Variants in PRDM1 observed in about 807,000 individuals in gnomAD.
PRDM1 encodes PR/SET domain 1, also known as PR domain zinc finger protein 1.
A neutral mutation model predicts 62.8 loss-of-function variants in PRDM1; 13 were observed. That is an observed-to-expected ratio of 0.21 (90% CI 0.13 to 0.33). The LOEUF (loss-of-function observed/expected upper bound fraction) is 0.33, where lower values mean the gene tolerates loss of function less well. PRDM1 is among the 10% of genes least tolerant of loss of function. The pLI is 1.00. For missense variants in PRDM1, 895 were observed against 1,058.8 expected (o/e 0.85, Z 2.15); for synonymous variants, 396 against 417.6 (o/e 0.95, Z 0.63).
At chr6:106,031,481 A>G (rs915710288) in intron 1 of PRDM1, among the ~76,000 whole-genome samples, 13 of 152,220 alleles carry the variant, frequency 8.5e-5, no homozygotes, top group Non-Finnish European at 5.9e-5. Context: ...TGGGGAATTT[A>G]ACTTTGGGTG....
At chr6:105,998,869 T>G (rs1041441732) in intron 1 of PRDM1, among the ~76,000 whole-genome samples, 8 of 149,438 alleles carry the variant, frequency 5.4e-5, no homozygotes, top group African/African-American at 2.0e-4. Context: ...TGTTTTGCAT[T>G]GGGATTTTTA....
intron 4 of PRDM1, among the ~76,000 whole-genome samples, chr6:106,101,366 C>G (rs1774266705): frequency 6.6e-6 from 1 of 151,970 alleles, no homozygotes. Flanking sequence ...GTTTTTATTC[C>G]TCAAAGAAAG....
chr6:106,088,169 T>C (rs756523604), intron 1 of PRDM1, 32 bp from the exon 2 acceptor site: 93 of 1,555,924 alleles, frequency 6.0e-5, no homozygotes, highest in Non-Finnish European at 7.6e-5. Context: ...GGCGGGACAA[T>C]GGGGATTAAA....
intron 1 of PRDM1, among the ~76,000 whole-genome samples, chr6:106,033,623 T>G (rs11152954): frequency 0.9 from 136,241 of 151,982 alleles, 61,139 homozygotes; most frequent in South Asian, 0.94. Context: ...GCCTAATCTT[T>G]GTAATATGCT....
chr6:106,021,646 GT>G (rs1472410966), intron 1 of PRDM1, among the ~76,000 whole-genome samples: 2 of 152,236 alleles, frequency 1.3e-5, no homozygotes, highest in East Asian at 3.8e-4. Context: ...TTGAGACAGA[GT>G]TTCACTCTTG....
intron 4 of PRDM1, chr6:106,100,360 C>T (rs1259176118): frequency 6.6e-6 from 1 of 152,148 alleles, no homozygotes; most frequent in Non-Finnish European, 1.5e-5. Flanking sequence ...AAAATTATTC[C>T]TTTTGGTTTA....
At chr6:106,051,690 G>A (rs1773177104) in intron 1 of PRDM1, among the ~76,000 whole-genome samples, 1 of 152,172 alleles carries the variant, frequency 6.6e-6, no homozygotes, top group Admixed American at 6.5e-5. Flanking sequence ...GGCTTGGTTA[G>A]GAAGATTCTG....
chr6:106,068,080 C>T (rs1773460242), intron 1 of PRDM1, among the ~76,000 whole-genome samples: 1 of 151,730 alleles, frequency 6.6e-6, no homozygotes. Context: ...TCTACACACA[C>T]TCCAGCCACC....
chr6:106,091,412 A>G (rs1055005206), intron 2 of PRDM1, among the ~76,000 whole-genome samples: 3 of 152,238 alleles, frequency 2.0e-5, no homozygotes, highest in African/African-American at 7.2e-5. Context: ...AGGCATCACC[A>G]TGTCTCCTTT....
intron 1 of PRDM1, among the ~76,000 whole-genome samples, chr6:105,995,588 A>G (rs1001718119): frequency 5.9e-5 from 9 of 152,190 alleles, no homozygotes; most frequent in African/African-American, 2.2e-4. Context: ...AAATAATAAA[A>G]TGTACACTAG....
At chr6:106,064,185 T>G (rs1474909369) in intron 1 of PRDM1, among the ~76,000 whole-genome samples, 1 of 152,226 alleles carries the variant, frequency 6.6e-6, no homozygotes, top group African/African-American at 2.4e-5. Flanking sequence ...GTGTGACTGT[T>G]TCCTCTGCAA....
chr6:106,054,013 T>C (rs1024980572), intron 1 of PRDM1, among the ~76,000 whole-genome samples: 1 of 152,024 alleles, frequency 6.6e-6, no homozygotes, highest in African/African-American at 2.4e-5. Flanking sequence ...CAGAGCAGGA[T>C]CATTGTGTTG....
chr6:106,019,037 G>A (rs749538343), intron 1 of PRDM1, among the ~76,000 whole-genome samples: 2 of 151,834 alleles, frequency 1.3e-5, no homozygotes, highest in African/African-American at 2.4e-5. Flanking sequence ...AGACCGAGGC[G>A]GGTGGATCAC....
At chr6:106,020,301 C>CT (rs1021171478) in intron 1 of PRDM1, among the ~76,000 whole-genome samples, 7 of 151,732 alleles carry the variant, frequency 4.6e-5, no homozygotes, top group Admixed American at 1.3e-4. Context: ...GTATTTTTAC[C>CT]TTTTTTTATT....
Position 106,105,211 on chromosome 6 carries a change from A to C in PRDM1, c.1051A>C (p.Ser351Arg). The C allele has an allele frequency of 6.2e-7, 1 of 1,613,748 alleles. No individual in the cohort carries two copies. Among genetic ancestry groups the C allele is most frequent in the Non-Finnish European group, 8.5e-7 (1 of 1,179,980 alleles). The change falls in exon 5 of 7, where the codon AGC becomes CGC. Residue 351 changes from serine (S) to arginine (R), a missense_variant. Physicochemically the swap from Ser to Arg is moderately radical, Grantham distance 110 (BLOSUM62 -1). This residue lies in a region of PRDM1 where 444 missense variants were observed against 422.7 expected (regional missense o/e 1.05). Coordinates refer to ENST00000369096, the MANE Select transcript of PRDM1 (RefSeq NM_001198.4). ...SSPDQSLKSS[S>R]PHSSPGNTVS... ...CCCCGACCAAAGCCTCAAGAGCTCC[A>C]GCCCTCACAGCAGCCCTGGGAATAC... is the stretch of plus-strand genomic sequence containing the variant.
intron 1 of PRDM1, among the ~76,000 whole-genome samples, chr6:106,024,777 A>G (rs574749742): frequency 9.9e-5 from 15 of 152,202 alleles, no homozygotes; most frequent in African/African-American, 3.4e-4. Context: ...TCTTTTCAGG[A>G]GGTTATTTGC....
chr6:106,088,247 C>G lies in PRDM1; in HGVS notation c.89C>G (p.Ala30Gly), dbSNP rs1281131286. 10 of 1,613,938 alleles carry G rather than the reference C, an allele frequency of 6.2e-6. No homozygotes were observed. In the East Asian group the frequency reaches 2.2e-4, roughly 36 times the overall value. ...NSSTVRFQGL[A>G]EGTKGTMKMD... ...AGCACTGTGAGGTTTCAGGGATTGG[C>G]AGAGGGGACCAAGGGGACCATGAAA... The change falls in exon 2 of 7, where the codon GCA becomes GGA. Residue 30 changes from alanine (A) to glycine (G), a missense_variant. Ala to Gly is a moderately conservative substitution (Grantham distance 60). Coordinates refer to ENST00000369096, the MANE Select transcript of PRDM1 (RefSeq NM_001198.4).
chr6:106,057,256 A>T (rs1176896321), intron 1 of PRDM1, among the ~76,000 whole-genome samples: 1 of 152,232 alleles, frequency 6.6e-6, no homozygotes, highest in Non-Finnish European at 1.5e-5. Context: ...CTTTATAGTC[A>T]TCTGAGGTTT....
intron 1 of PRDM1, among the ~76,000 whole-genome samples, chr6:106,012,768 C>A (rs923626625): frequency 6.6e-6 from 1 of 152,214 alleles, no homozygotes; most frequent in African/African-American, 2.4e-5. Context: ...AAGAGCGGAA[C>A]CTGAGTGATA....
Sources: gnomAD v4.1 joint callset for allele counts (sites outside exome capture counted in the v4.1 genomes callset) on GRCh38, gnomAD v4.1.1 for gene constraint, gnomAD v4.1.1 regional missense constraint, MANE v1.5 for transcripts, NCBI Gene and HGNC (gene_info 2026-07-23, HGNC 2026-07-21) for gene names.